The following HSPA4 variants were observed in gnomAD, a reference collection of about 807,000 sequenced individuals.
HSPA4 encodes heat shock 70 kDa protein 4.
In HSPA4, 25 loss-of-function variants were observed where a neutral mutation model predicts 106.2. That is an observed-to-expected ratio of 0.24 (90% CI 0.17 to 0.33). HSPA4 has a LOEUF of 0.33. Among genes scored for constraint, HSPA4 ranks in the 10% least tolerant of loss-of-function variants. The pLI is 1.00. For missense variants in HSPA4, 841 were observed against 996.0 expected (o/e 0.84, Z 2.10); for synonymous variants, 332 against 333.6 (o/e 1.00, Z 0.05).
chr5:133,090,397 C>T (rs1260551179), intron 11 of HSPA4, among the ~76,000 whole-genome samples: 1 of 138,232 alleles, frequency 7.2e-6, no homozygotes, highest in Non-Finnish European at 1.5e-5. Flanking sequence ...CGCCACTGCA[C>T]TCCAGCCTAG....
chr5:133,082,046 G>A (rs1321792482), intron 7 of HSPA4, among the ~76,000 whole-genome samples: 1 of 152,064 alleles, frequency 6.6e-6, no homozygotes, highest in Non-Finnish European at 1.5e-5. Context: ...TGATGAAGTG[G>A]GTAAATAAAA....
intron 11 of HSPA4, among the ~76,000 whole-genome samples, 180 bp downstream of exon 11, chr5:133,089,875 A>G (rs144528536): frequency 4.6e-4 from 70 of 152,244 alleles, no homozygotes; most frequent in African/African-American, 1.7e-3. Flanking sequence ...AAAAAAGCTT[A>G]TCTACTTGGA....
In HSPA4 at chr5:133,073,408, C is replaced by T. The variant is rs779054867; in HGVS notation, c.529+79C>T. ...AATTTTAAAACCCTGGGGTTTCTTG[C>T]TCTTTATTTTGCTTTCAGCACTGCT... On this transcript the variant is annotated intron_variant, in intron 5 of 18. Coordinates refer to ENST00000304858, the MANE Select transcript of HSPA4 (RefSeq NM_002154.4). 192 of 985,694 alleles carry T rather than the reference C, an allele frequency of 1.9e-4. 1 individual carries two copies. The highest frequency in any genetic ancestry group is 2.7e-4 in the Non-Finnish European group (173 of 637,010). The allele number at this position is 985,694 out of a possible 1,614,324, so 61.1% of individuals were successfully genotyped here.
Position 133,104,652 on chromosome 5 carries a change from A to C in HSPA4, c.*216A>C. The C allele has an allele frequency of 1.9e-6, 1 of 526,884 alleles. No homozygotes were observed. Among genetic ancestry groups the C allele is most frequent in the Non-Finnish European group, 3.4e-6 (1 of 294,758 alleles). 32.6% of individuals were successfully genotyped at this position (526,884 alleles called of 1,614,324 possible). ...ATTGTATCTTTTTCATAATGGTACT[A>C]TTTAGAAGCCCAGTTAGTCTTACTG... On this transcript the variant is annotated 3_prime_UTR_variant, in exon 19 of 19. Transcript: ENST00000304858.
At chr5:133,090,135 A>G (rs1392921777) in intron 11 of HSPA4, among the ~76,000 whole-genome samples, 1 of 152,170 alleles carries the variant, frequency 6.6e-6, no homozygotes, top group African/African-American at 2.4e-5. Context: ...ATACAGTTAT[A>G]AGATGTATAT....
chr5:133,073,750 G>C (rs962159208), intron 5 of HSPA4, among the ~76,000 whole-genome samples: 2 of 152,152 alleles, frequency 1.3e-5, no homozygotes, highest in African/African-American at 4.8e-5. Flanking sequence ...GGGGGAAATG[G>C]CTTGGAGAAA....
In HSPA4 at chr5:133,089,055, T is replaced by C; in HGVS notation, c.1138T>C (p.Cys380Arg). ...EAVTRGCALQ[C>R]AILSPAFKVR... The stretch of plus-strand genomic sequence containing the variant: ...GAATTTTTGAAAATTATTATTCTAG[T>C]GTGCCATCTTATCGCCTGCTTTCAA... Residue 380 changes from cysteine to arginine, a missense_variant and splice_region_variant, in exon 10 of 19, where the codon TGT (cysteine) becomes CGT (arginine). By Grantham distance (180) the Cys-to-Arg change is radical. Coordinates refer to ENST00000304858, the MANE Select transcript of HSPA4 (RefSeq NM_002154.4). The C allele has an allele frequency of 6.4e-7, 1 of 1,561,448 alleles. No individual in the cohort carries two copies. The highest frequency in any genetic ancestry group is 8.8e-7 in the Non-Finnish European group (1 of 1,142,418).
intron 2 of HSPA4, among the ~76,000 whole-genome samples, chr5:133,066,924 C>T (rs1322470107): frequency 2.6e-5 from 4 of 151,972 alleles, no homozygotes; most frequent in African/African-American, 4.8e-5. Flanking sequence ...CCATGTTGGT[C>T]AGGCTGGTCT....
Position 133,052,249 on chromosome 5 carries a change from C to G in HSPA4, c.-2C>G, listed in dbSNP as rs1561573500. Reference sequence around the variant, plus strand: ...GCCCGAGCCCGAGCAGTAGCCGGCGCCATGTCGGTGGTGGGCATAGACCTG... The same window carrying G: ...GCCCGAGCCCGAGCAGTAGCCGGCGGCATGTCGGTGGTGGGCATAGACCTG... On this transcript the variant is annotated 5_prime_UTR_variant, in exon 1 of 19. Coordinates refer to ENST00000304858, the MANE Select transcript of HSPA4 (RefSeq NM_002154.4). 1.9e-6 allele frequency: 3 copies of G among 1,583,364 alleles called. No homozygotes were observed. The highest frequency in any genetic ancestry group is 2.6e-6 in the Non-Finnish European group (3 of 1,168,396).
At chr5:133,083,060 G>A (rs1182583343) in intron 7 of HSPA4, among the ~76,000 whole-genome samples, 4 of 151,496 alleles carry the variant, frequency 2.6e-5, no homozygotes, top group African/African-American at 7.3e-5. Flanking sequence ...GCTTGGACCC[G>A]GGAGGTGGAG....
chr5:133,083,980 A>T (rs1354815931), intron 7 of HSPA4, among the ~76,000 whole-genome samples: 2 of 152,150 alleles, frequency 1.3e-5, no homozygotes, highest in African/African-American at 4.8e-5. Context: ...TGTTTTTTGG[A>T]TATATTTTTA....
At chr5:133,072,839 A>G (rs146747177) in intron 4 of HSPA4, among the ~76,000 whole-genome samples, 138 of 152,332 alleles carry the variant, frequency 9.1e-4, no homozygotes, top group South Asian at 3.1e-3. Context: ...AGGTACAGTG[A>G]ACCACTCTTA....
At chr5:133,060,112 A>C (rs1007372441) in intron 1 of HSPA4, among the ~76,000 whole-genome samples, 4 of 149,234 alleles carry the variant, frequency 2.7e-5, no homozygotes, top group African/African-American at 9.9e-5. Context: ...ATTACATAGG[A>C]GTATTTACCT....
At chr5:133,092,583 A>T in intron 12 of HSPA4, 117 bp from the exon 13 acceptor site, 1 of 718,708 alleles carries the variant, frequency 1.4e-6, no homozygotes, top group Non-Finnish European at 2.5e-6. Context: ...ATTTTAGCAT[A>T]GGCCTTCTGA....
chr5:133,093,119 C>A (rs1765671080), intron 13 of HSPA4, among the ~76,000 whole-genome samples: 1 of 151,776 alleles, frequency 6.6e-6, no homozygotes, highest in African/African-American at 2.4e-5. Flanking sequence ...GCGTGAGCCA[C>A]CACACCCGGC....
In HSPA4 at chr5:133,101,772, C is replaced by A. The variant is rs753513331; in HGVS notation, c.2051C>A (p.Pro684His). The change falls in exon 17 of 19, where the codon CCT becomes CAT. Residue 684 changes from proline (P) to histidine (H), a missense_variant. Pro to His is a moderately conservative substitution (Grantham distance 77). Coordinates refer to ENST00000304858, the MANE Select transcript of HSPA4 (RefSeq NM_002154.4). ...KLAELKNLGQPIKIRFQESEE... is the reference protein window; with the variant it reads ...KLAELKNLGQHIKIRFQESEE... ...TCTTCTGTTAAGAATCTAGGTCAAC[C>A]TATTAAGATACGTTTCCAGGAATCT... The A allele has an allele frequency of 6.2e-7, 1 of 1,610,798 alleles. No individual in the cohort carries two copies. Among genetic ancestry groups the A allele is most frequent in the South Asian group, 1.1e-5 (1 of 89,906 alleles).
Position 133,065,568 on chromosome 5 carries a change from A to G in HSPA4, c.165+531A>G, listed in dbSNP as rs577140787. ...TAGCAGTATAATCTGTTTAATGCAA[A>G]CTGCCAGGGTGTATTTTGTCCAGAT... On this transcript the variant is annotated intron_variant, in intron 2 of 18. Transcript: ENST00000304858. 2.0e-5 allele frequency among the ~76,000 whole-genome samples: 3 copies of G among 152,358 alleles called. No individual in the cohort carries two copies. In the South Asian group the frequency reaches 6.2e-4, roughly 32 times the overall value.
rs1186400287 is a variant in HSPA4, at chr5:133,104,699, T to G, written c.*263T>G. 1 of 400,274 alleles carries G rather than the reference T, an allele frequency of 2.5e-6. No homozygotes were observed. Among genetic ancestry groups the G allele is most frequent in the East Asian group, 5.1e-5 (1 of 19,688 alleles). 24.8% of individuals were successfully genotyped at this position (400,274 alleles called of 1,614,324 possible). On this transcript the variant is annotated 3_prime_UTR_variant, in exon 19 of 19. Transcript: ENST00000304858. Reference sequence around the variant, plus strand: ...ACTGAGCTTATGCTTCACTCCTTTATGTTTAACCATGTGTCTACAAGAATA... The same window carrying G: ...ACTGAGCTTATGCTTCACTCCTTTAGGTTTAACCATGTGTCTACAAGAATA...
chr5:133,052,271 C>T lies in HSPA4; in HGVS notation c.21C>T (p.Asp7=), dbSNP rs1765090002. The change falls in exon 1 of 19, where the codon GAC becomes GAT. Residue 7 remains aspartate, a synonymous_variant. Coordinates refer to ENST00000304858, the MANE Select transcript of HSPA4 (RefSeq NM_002154.4). The part of the protein sequence containing the change: MSVVGI[D]LGFQSCYVAV... ...GCGCCATGTCGGTGGTGGGCATAGA[C>T]CTGGGCTTCCAGAGCTGCTACGTCG... The T allele has an allele frequency of 6.3e-7, 1 of 1,595,190 alleles. No homozygotes were observed. Among genetic ancestry groups the T allele is most frequent in the East Asian group, 2.3e-5 (1 of 44,172 alleles).
Sources: gnomAD v4.1 joint callset for allele counts (sites outside exome capture counted in the v4.1 genomes callset) on GRCh38, gnomAD v4.1.1 for gene constraint, MANE v1.5 for transcripts, NCBI Gene and HGNC (gene_info 2026-07-23, HGNC 2026-07-21) for gene names.